MED7: variants seen among roughly 807,000 people sequenced by gnomAD.
The protein encoded by MED7 is mediator of RNA polymerase II transcription subunit 7.
A neutral mutation model predicts 16.6 loss-of-function variants in MED7; 7 were observed. That is an observed-to-expected ratio of 0.42 (90% CI 0.24 to 0.79). MED7 has a LOEUF of 0.79. Ranked by LOEUF, MED7 falls within the 30% of genes least tolerant of loss-of-function variation. The pLI is 0.27. For synonymous variants in MED7, 88 were observed against 90.5 expected (o/e 0.97, Z 0.16); for missense variants, 240 against 286.3 (o/e 0.84, Z 1.17).
intron 1 of MED7, 56 bp from the exon 2 acceptor site, chr5:157,139,504 A>C: frequency 9.8e-7 from 1 of 1,015,696 alleles, no homozygotes; most frequent in Non-Finnish European, 1.4e-6. Flanking sequence ...GTTACATTTC[A>C]TAACTACAGA....
chr5:157,139,937 C>T (rs959290398), intron 1 of MED7, among the ~76,000 whole-genome samples: 1 of 152,150 alleles, frequency 6.6e-6, no homozygotes, highest in African/African-American at 2.4e-5. Context: ...TCCAAAGTTC[C>T]TGAATGAAAT....
At chr5:157,141,216 G>C (rs139159276) in intron 1 of MED7, among the ~76,000 whole-genome samples, 1,697 of 152,070 alleles carry the variant, frequency 0.011, 33 homozygotes, top group African/African-American at 0.039. Flanking sequence ...GAGTAGCTAG[G>C]ACTACAGGCG....
chr5:157,140,304 A>G (rs58025552), intron 1 of MED7, among the ~76,000 whole-genome samples: 5,612 of 152,160 alleles, frequency 0.037, 240 homozygotes, highest in African/African-American at 0.11. Context: ...GTGAGCCACC[A>G]CGCCTGGCCT....
Position 157,138,657 on chromosome 5 carries a change from A to T in MED7, c.*73T>A. On this transcript the variant is annotated 3_prime_UTR_variant, in exon 2 of 2. Transcript: ENST00000286317. ...TTACATTTTTAGTGAAACTTCTCTT[A>T]AGACTGTCCAAAAGAAAATGAACTA... 1 of 1,303,234 alleles carries T rather than the reference A, an allele frequency of 7.7e-7. No homozygotes were observed. Among genetic ancestry groups the T allele is most frequent in the Non-Finnish European group, 1.0e-6 (1 of 952,418 alleles). The allele number at this position is 1,303,234 out of a possible 1,614,324, so 80.7% of individuals were successfully genotyped here. A position where few individuals can be genotyped will look rare whatever the true frequency, so the allele number is the denominator to read the frequency against.
chr5:157,139,568 C>T, intron 1 of MED7, 120 bp from the exon 2 acceptor site: 3 of 538,172 alleles, frequency 5.6e-6, no homozygotes, highest in Non-Finnish European at 6.0e-6. Flanking sequence ...ACAAGATGAT[C>T]TCCTTGGTTT....
At chr5:157,140,334 T>C (rs1757704417) in intron 1 of MED7, among the ~76,000 whole-genome samples, 1 of 151,332 alleles carries the variant, frequency 6.6e-6, no homozygotes, top group Non-Finnish European at 1.5e-5. Context: ...CATTAACTTC[T>C]CTACAACTAT....
rs1195070056 is a variant in MED7, at chr5:157,137,996, T to C, written c.*734A>G. The C allele has an allele frequency of 3.9e-5, 6 of 152,222 alleles. No homozygotes were observed. The highest frequency in any genetic ancestry group is 7.3e-5 in the Non-Finnish European group (5 of 68,038). 9.4% of individuals were successfully genotyped at this position (152,222 alleles called of 1,614,324 possible). A position where few individuals can be genotyped will look rare whatever the true frequency, so the allele number is the denominator to read the frequency against. On this transcript the variant is annotated 3_prime_UTR_variant, in exon 2 of 2. Coordinates refer to ENST00000286317, the MANE Select transcript of MED7 (RefSeq NM_004270.5). Reference sequence around the variant, plus strand: ...GGTAGACACCTAGCAGTCTCTGCCATCAAACCCCTTTCCCATTGTGGACTT... The same window carrying C: ...GGTAGACACCTAGCAGTCTCTGCCACCAAACCCCTTTCCCATTGTGGACTT...
At position 157,137,925 on chromosome 5, in the gene MED7, G is replaced by C. The variant is rs1405433676; in HGVS notation, c.*805C>G. 1 of 152,204 alleles carries C rather than the reference G, an allele frequency of 6.6e-6. No homozygotes were observed. Among genetic ancestry groups the C allele is most frequent in the Non-Finnish European group, 1.5e-5 (1 of 68,050 alleles). The allele number at this position is 152,204 out of a possible 1,614,324, so 9.4% of individuals were successfully genotyped here. On this transcript the variant is annotated 3_prime_UTR_variant, in exon 2 of 2. Transcript: ENST00000286317. The stretch of plus-strand genomic sequence containing the variant: ...TGGGAGTAGGGAAATGTCCCTGGCT[G>C]GATTGCCACATCTTGACAACATATC...
Position 157,139,405 on chromosome 5 carries a change from T to G in MED7, c.27A>C (p.Ala9=). The part of the protein sequence containing the change: MGEPQQVS[A]LPPPPMQYIK... ...TATATTGCATTGGAGGTGGTGGAAG[T>G]GCACTCACTTGCTGTGGTTCACCCA... The change falls in exon 2 of 2, where the codon GCA becomes GCC. Residue 9 remains alanine (A), a synonymous_variant. Transcript: ENST00000286317. 1 of 1,587,698 alleles carries G rather than the reference T, an allele frequency of 6.3e-7. No individual in the cohort carries two copies. The highest frequency in any genetic ancestry group is 8.6e-7 in the Non-Finnish European group (1 of 1,168,054).
At chr5:157,140,999 T>C (rs923976364) in intron 1 of MED7, among the ~76,000 whole-genome samples, 5 of 152,260 alleles carry the variant, frequency 3.3e-5, no homozygotes, top group African/African-American at 1.2e-4. Context: ...TTCAGTGTGT[T>C]TTCTCGTGAC....
rs1226704534 is a variant in MED7, at chr5:157,137,984, C to G, written c.*746G>C. 3 of 152,228 alleles carry G rather than the reference C, an allele frequency of 2.0e-5. No homozygotes were observed. Among genetic ancestry groups the G allele is most frequent in the Admixed American group, 2.0e-4 (3 of 15,288 alleles). 9.4% of individuals were successfully genotyped at this position (152,228 alleles called of 1,614,324 possible). ...GCAAGAATCTTTGGTAGACACCTAG[C>G]AGTCTCTGCCATCAAACCCCTTTCC... On this transcript the variant is annotated 3_prime_UTR_variant, in exon 2 of 2. Transcript: ENST00000286317.
chr5:157,142,688 A>G (rs1383769185), intron 1 of MED7, 132 bp downstream of exon 1: 3 of 152,344 alleles, frequency 2.0e-5, no homozygotes, highest in Admixed American at 1.3e-4. Context: ...GGAGAGAAAG[A>G]CGAAAGACCG....
chr5:157,140,467 G>A (rs1378904436), intron 1 of MED7, among the ~76,000 whole-genome samples: 1 of 152,074 alleles, frequency 6.6e-6, no homozygotes, highest in Non-Finnish European at 1.5e-5. Flanking sequence ...CTTTAGATTG[G>A]TGTTATCAGA....
Position 157,138,582 on chromosome 5 carries a change from T to C in MED7, c.*148A>G. The C allele has an allele frequency of 1.6e-6, 1 of 628,234 alleles. No homozygotes were observed. The highest frequency in any genetic ancestry group is 2.7e-6 in the Non-Finnish European group (1 of 371,834). 38.9% of individuals were successfully genotyped at this position (628,234 alleles called of 1,614,324 possible). A position where few individuals can be genotyped will look rare whatever the true frequency, so the allele number is the denominator to read the frequency against. On this transcript the variant is annotated 3_prime_UTR_variant, in exon 2 of 2. Transcript: ENST00000286317. ...TATGCTTGTTATACAGCGAAATTACTGCCTATGACATCTCATAATTGAAAA... is the reference window on the plus strand; with the variant it reads ...TATGCTTGTTATACAGCGAAATTACCGCCTATGACATCTCATAATTGAAAA...
At position 157,137,707 on chromosome 5, in the gene MED7, GTCAT is replaced by G. The variant is rs1308091274; in HGVS notation, c.*1019_*1022del. 6.6e-6 allele frequency: 1 copy of G among 152,212 alleles called. No individual in the cohort carries two copies. The highest frequency in any genetic ancestry group is 2.4e-5 in the African/African-American group (1 of 41,434). The allele number at this position is 152,212 out of a possible 1,614,324, so 9.4% of individuals were successfully genotyped here. ...CTGAAAGGAAGACTTAGTCCTCACG[GTCAT>G]TCAAAGAACCAGACTGACAATCTTT... On this transcript the variant is annotated 3_prime_UTR_variant, in exon 2 of 2. Coordinates refer to ENST00000286317, the MANE Select transcript of MED7 (RefSeq NM_004270.5).
intron 1 of MED7, among the ~76,000 whole-genome samples, chr5:157,140,136 C>T (rs1021066744): frequency 5.3e-5 from 8 of 152,186 alleles, no homozygotes; most frequent in African/African-American, 1.9e-4. Context: ...CTGCCTCAGC[C>T]TCCTAAGTAG....
chr5:157,141,526 T>C (rs1757724738), intron 1 of MED7, among the ~76,000 whole-genome samples: 1 of 152,216 alleles, frequency 6.6e-6, no homozygotes, highest in Non-Finnish European at 1.5e-5. Context: ...GTACCATTTT[T>C]TATGGCCTCT....
intron 1 of MED7, among the ~76,000 whole-genome samples, chr5:157,140,870 T>C (rs959212640): frequency 1.3e-5 from 2 of 152,142 alleles, no homozygotes; most frequent in Admixed American, 6.5e-5. Context: ...TAAATTCAGA[T>C]TACAGAAAAA....
intron 1 of MED7, among the ~76,000 whole-genome samples, chr5:157,139,867 T>C (rs1269695447): frequency 2.0e-5 from 3 of 152,158 alleles, no homozygotes; most frequent in South Asian, 2.1e-4. Context: ...AAACACTTAC[T>C]TGTATCTCTC....
Sources: allele counts gnomAD v4.1 joint callset (sites outside exome capture counted in the v4.1 genomes callset), GRCh38; gene constraint gnomAD v4.1.1; transcripts MANE v1.5; gene names NCBI Gene and HGNC (gene_info 2026-07-23, HGNC 2026-07-21).